The following CRYBG1 variants were observed in gnomAD, a reference collection of about 807,000 sequenced individuals.
CRYBG1 encodes the protein beta/gamma crystallin domain-containing protein 1.
A neutral mutation model predicts 189.2 loss-of-function variants in CRYBG1; 139 were observed. That is an observed-to-expected ratio of 0.73 (90% CI 0.64 to 0.85). The LOEUF is 0.85. CRYBG1 is among the 40% of genes least tolerant of loss of function. CRYBG1 has a pLI of 0.00. For missense variants in CRYBG1, 2,611 were observed against 2,675.8 expected (o/e 0.98, Z 0.53); for synonymous variants, 1,023 against 1,017.1 (o/e 1.01, Z -0.11).
In CRYBG1 at chr6:106,432,449, A is replaced by G. The variant is rs554857672; in HGVS notation, c.174-19245A>G. On this transcript the variant is annotated intron_variant, in intron 1 of 21. Coordinates refer to ENST00000633556, the MANE Select transcript of CRYBG1 (RefSeq NM_001371242.2). ...CTCAGACATCTGTTGAGGGCCTTCCATGTGAATTCATTGTCCTACAAGCTG... is the reference window on the plus strand; with the variant it reads ...CTCAGACATCTGTTGAGGGCCTTCCGTGTGAATTCATTGTCCTACAAGCTG... Among the ~76,000 whole-genome samples the G allele has an allele frequency of 7.2e-5, 11 of 152,268 alleles. No individual in the cohort carries two copies. In the East Asian group the frequency reaches 1.5e-3, roughly 21 times the overall value.
chr6:106,444,996 A>ACAAG (rs1771639365), intron 1 of CRYBG1, among the ~76,000 whole-genome samples: 1 of 151,858 alleles, frequency 6.6e-6, no homozygotes, highest in Non-Finnish European at 1.5e-5. Context: ...AAACAAACAA[A>ACAAG]CAGACAAACA....
chr6:106,462,139 GT>G (rs971699308), intron 2 of CRYBG1, among the ~76,000 whole-genome samples: 1 of 150,144 alleles, frequency 6.7e-6, no homozygotes, highest in African/African-American at 2.4e-5. Flanking sequence ...TTTTTCTGAA[GT>G]TTTTTGTTTG....
intron 1 of CRYBG1, among the ~76,000 whole-genome samples, chr6:106,395,948 C>A (rs4945751): frequency 0.37 from 56,605 of 151,940 alleles, 11,146 homozygotes; most frequent in East Asian, 0.56. Context: ...GTTTCCGCTT[C>A]CATTTTCATG....
intron 13 of CRYBG1, among the ~76,000 whole-genome samples, chr6:106,546,871 T>G (rs995377950): frequency 3.3e-5 from 5 of 152,168 alleles, no homozygotes; most frequent in African/African-American, 9.7e-5. Context: ...TTGTGTTGGT[T>G]CTATTAGTCA....
intron 1 of CRYBG1, among the ~76,000 whole-genome samples, chr6:106,386,783 A>G (rs1770399272): frequency 1.3e-5 from 2 of 152,304 alleles, no homozygotes; most frequent in Non-Finnish European, 2.9e-5. Context: ...TAAATAACAG[A>G]TGAAGCTTCG....
At chr6:106,451,868 TA>T in intron 2 of CRYBG1, 36 bp downstream of exon 2, 1 of 1,520,612 alleles carries the variant, frequency 6.6e-7, no homozygotes, top group Non-Finnish European at 8.8e-7. Context: ...CTCCCAAGAA[TA>T]AACCCTTTAA....
chr6:106,428,864 G>A (rs1174563532), intron 1 of CRYBG1, among the ~76,000 whole-genome samples: 4 of 152,200 alleles, frequency 2.6e-5, no homozygotes, highest in African/African-American at 9.7e-5. Context: ...AAGGAGCTTT[G>A]TGGCAGTAAG....
chr6:106,508,734 T>G (rs1223255524), intron 2 of CRYBG1, among the ~76,000 whole-genome samples: 2 of 152,228 alleles, frequency 1.3e-5, no homozygotes. Flanking sequence ...CCGGTGACTT[T>G]GAGCTGTTTC....
chr6:106,393,420 CT>C (rs564484528), intron 1 of CRYBG1, among the ~76,000 whole-genome samples: 4 of 88 alleles, frequency 0.045, no homozygotes, highest in African/African-American at 0.12. Context: ...AATAAGTTCC[CT>C]GGGGCATTCC....
At chr6:106,421,998 T>A (rs1771131264) in intron 1 of CRYBG1, among the ~76,000 whole-genome samples, 1 of 152,170 alleles carries the variant, frequency 6.6e-6, no homozygotes, top group African/African-American at 2.4e-5. Context: ...CATGATTCAG[T>A]CATCTCCCAC....
At chr6:106,362,521 G>A (rs888999317) in intron 1 of CRYBG1, among the ~76,000 whole-genome samples, 10 of 152,194 alleles carry the variant, frequency 6.6e-5, no homozygotes, top group Non-Finnish European at 1.3e-4. Context: ...ACAGGGAGGA[G>A]CAGCGAGTTC....
At chr6:106,466,962 T>TA (rs1562314932) in intron 2 of CRYBG1, among the ~76,000 whole-genome samples, 1 of 152,004 alleles carries the variant, frequency 6.6e-6, no homozygotes, top group African/African-American at 2.4e-5. Context: ...TATAGAGAAA[T>TA]AAAAAGCTTT....
chr6:106,503,471 A>G (rs1562091863), intron 2 of CRYBG1, among the ~76,000 whole-genome samples: 1 of 152,202 alleles, frequency 6.6e-6, no homozygotes, highest in Non-Finnish European at 1.5e-5. Context: ...ATTCTAGTAA[A>G]GTCTTATTTT....
chr6:106,440,311 C>G (rs1168967144), intron 1 of CRYBG1, among the ~76,000 whole-genome samples: 3 of 151,542 alleles, frequency 2.0e-5, no homozygotes, highest in African/African-American at 7.3e-5. Flanking sequence ...GTCACCCAGG[C>G]TGGAGTGCAG....
rs767285097 is a variant in CRYBG1, at chr6:106,360,879, C to A, written c.-30C>A. The stretch of plus-strand genomic sequence containing the variant: ...CCGGGCGGCAGAGAGGACCGCGTCC[C>A]GGCAGTCGGAGCGGGAGGAGGACAA... On this transcript the variant is annotated 5_prime_UTR_variant, in exon 1 of 22. Coordinates refer to ENST00000633556, the MANE Select transcript of CRYBG1 (RefSeq NM_001371242.2). 2.0e-6 allele frequency: 3 copies of A among 1,510,470 alleles called. No individual in the cohort carries two copies. Among genetic ancestry groups the A allele is most frequent in the African/African-American group, 2.8e-5 (2 of 71,452 alleles). 93.6% of individuals were successfully genotyped at this position (1,510,470 alleles called of 1,614,324 possible).
intron 1 of CRYBG1, among the ~76,000 whole-genome samples, chr6:106,377,439 A>G (rs1008504074): frequency 7.9e-5 from 12 of 152,146 alleles, no homozygotes; most frequent in Non-Finnish European, 1.3e-4. Context: ...AACAAATGCC[A>G]AAGCGGTCAT....
chr6:106,519,537 C>T lies in CRYBG1; in HGVS notation c.2329C>T (p.Leu777Phe). The change falls in exon 4 of 22, where the codon CTT becomes TTT. Residue 777 changes from leucine to phenylalanine, a missense_variant. By Grantham distance (22) the Leu-to-Phe change is conservative. Transcript: ENST00000633556. ...TGGAGACTCTTCTGAGAATCAAGCT[C>T]TTGGTCCTCAGCCTAACCAAGATGA... ...MNGDSSENQA[L>F]GPQPNQDDKA... The T allele has an allele frequency of 6.2e-7, 1 of 1,614,140 alleles. No homozygotes were observed. The highest frequency in any genetic ancestry group is 2.2e-5 in the East Asian group (1 of 44,896).
rs1377054306 is a variant in CRYBG1, at chr6:106,563,645, G to T, written c.6139-119G>T. ...GGCTAAGAGCTGAACTGCCTCATGT[G>T]GGGTAAATGAAGCTAGGAACTAAGA... On this transcript the variant is annotated intron_variant, in intron 20 of 21. Coordinates refer to ENST00000633556, the MANE Select transcript of CRYBG1 (RefSeq NM_001371242.2). 2.7e-5 allele frequency: 27 copies of T among 994,012 alleles called. No homozygotes were observed. In the East Asian group the frequency reaches 6.4e-4, roughly 24 times the overall value. The allele number at this position is 994,012 out of a possible 1,614,324, so 61.6% of individuals were successfully genotyped here.
intron 2 of CRYBG1, among the ~76,000 whole-genome samples, chr6:106,468,103 CAGTAGAA>C (rs1417932716): frequency 6.6e-6 from 1 of 151,900 alleles, no homozygotes; most frequent in African/African-American, 2.4e-5. Flanking sequence ...ATACTCACAC[CAGTAGAA>C]AGTAAAAAGT....
Sources: gnomAD v4.1 joint callset for allele counts (sites outside exome capture counted in the v4.1 genomes callset) on GRCh38, gnomAD v4.1.1 for gene constraint, MANE v1.5 for transcripts, NCBI Gene and HGNC (gene_info 2026-07-23, HGNC 2026-07-21) for gene names.